Variants in CBLN2 observed in about 807,000 individuals in gnomAD.
The protein encoded by CBLN2 is cerebellin 2 precursor.
CBLN2 carries 7 observed loss-of-function variants against 15.0 expected under a neutral mutation model. The observed-to-expected ratio is 0.47, with a 90% CI of 0.27 to 0.88. The LOEUF is 0.88. CBLN2 is among the 40% of genes least tolerant of loss of function. The probability of loss-of-function intolerance (pLI) is 0.14; values close to 1 mark genes in which losing one functional copy is unlikely to be tolerated. For missense variants in CBLN2, 242 were observed against 304.5 expected (o/e 0.79, Z 1.53); for synonymous variants, 149 against 135.2 (o/e 1.10, Z -0.71).
At chr18:72,609,198 G>C (rs1480318246) in intron 1 of CBLN2, among the ~76,000 whole-genome samples, 1 of 152,036 alleles carries the variant, frequency 6.6e-6, no homozygotes, top group Non-Finnish European at 1.5e-5. Flanking sequence ...AAATAAAAAG[G>C]GTTATGGGAT....
intron 1 of CBLN2, among the ~76,000 whole-genome samples, chr18:72,576,884 T>C (rs1470478597): frequency 6.7e-6 from 1 of 148,892 alleles, no homozygotes; most frequent in African/African-American, 2.4e-5. Context: ...ATGACAAATA[T>C]ATATATAAAA....
At chr18:72,581,931 T>C (rs2069408481) in intron 1 of CBLN2, among the ~76,000 whole-genome samples, 1 of 152,220 alleles carries the variant, frequency 6.6e-6, no homozygotes. Flanking sequence ...TTCTGTCCAA[T>C]ATGCAATAAC....
chr18:72,570,230 T>C (rs2144905155), intron 1 of CBLN2, among the ~76,000 whole-genome samples: 1 of 152,054 alleles, frequency 6.6e-6, no homozygotes, highest in East Asian at 1.9e-4. Flanking sequence ...TATTTTTGAT[T>C]CATTAAGTTA....
In CBLN2 at chr18:72,618,859, T is replaced by A. The variant is rs1260988161; in HGVS notation, c.15+19466A>T. ...ATCCAGCCAAAGAGATTGAAGTGGT[T>A]CTGGAAGCTTTAGCGGTGGTCATGG... On this transcript the variant is annotated intron_variant, in intron 1 of 2. Transcript: ENST00000581073. 8.2e-6 allele frequency: 6 copies of A among 731,032 alleles called. No homozygotes were observed. In the African/African-American group the frequency reaches 1.0e-4, roughly 13 times the overall value. The allele number at this position is 731,032 out of a possible 1,614,324, so 45.3% of individuals were successfully genotyped here.
intron 1 of CBLN2, among the ~76,000 whole-genome samples, chr18:72,621,467 A>G (rs2069700235): frequency 6.6e-6 from 1 of 152,172 alleles, no homozygotes; most frequent in Non-Finnish European, 1.5e-5. Flanking sequence ...TTTGACAATA[A>G]TTAATTGTTA....
At chr18:72,629,614 T>A (rs2887134) in intron 1 of CBLN2, among the ~76,000 whole-genome samples, 31,656 of 152,076 alleles carry the variant, frequency 0.21, 4,614 homozygotes, top group African/African-American at 0.42. Context: ...ATGATTTATA[T>A]TGACTGAATT....
At position 72,605,616 on chromosome 18, in the gene CBLN2, T is replaced by C. The variant is rs187300926; in HGVS notation, c.15+32709A>G. Among the ~76,000 whole-genome samples, 7 of 152,354 alleles carry C rather than the reference T, an allele frequency of 4.6e-5. No homozygotes were observed. In the East Asian group the frequency reaches 7.7e-4, roughly 17 times the overall value. Reference sequence around the variant, plus strand: ...AGATAAGTCAAACAATGGAGGAATTTAGGGAATGTTTTCCAAGGGTCTGGC... The same window carrying C: ...AGATAAGTCAAACAATGGAGGAATTCAGGGAATGTTTTCCAAGGGTCTGGC... On this transcript the variant is annotated intron_variant, in intron 1 of 2. Coordinates refer to the CBLN2 transcript ENST00000581073.
intron 1 of CBLN2, among the ~76,000 whole-genome samples, chr18:72,577,894 CATA>C (rs900434321): frequency 2.5e-4 from 38 of 152,154 alleles, no homozygotes; most frequent in African/African-American, 8.9e-4. Context: ...GTGAATAAAG[CATA>C]ATAAGACCAC....
chr18:72,576,540 T>C (rs2069367799), intron 1 of CBLN2, among the ~76,000 whole-genome samples: 1 of 152,218 alleles, frequency 6.6e-6, no homozygotes, highest in Admixed American at 6.5e-5. Context: ...ATAAATGTTT[T>C]ATAATACGTA....
In CBLN2 at chr18:72,597,172, A is replaced by T. The variant is rs1053713059; in HGVS notation, c.15+41153T>A. On this transcript the variant is annotated intron_variant, in intron 1 of 2. Coordinates refer to the CBLN2 transcript ENST00000581073. ...GGGCTTGTCGGCACCCATCCTTCTT[A>T]GGAAGGCTTTCCATGTATTTGAAGT... 2.0e-5 allele frequency among the ~76,000 whole-genome samples: 3 copies of T among 152,280 alleles called. No individual in the cohort carries two copies. In the East Asian group the frequency reaches 5.8e-4, roughly 29 times the overall value.
At chr18:72,583,214 C>T (rs1260375047) in intron 1 of CBLN2, among the ~76,000 whole-genome samples, 1 of 152,146 alleles carries the variant, frequency 6.6e-6, no homozygotes, top group Non-Finnish European at 1.5e-5. Context: ...TGAAAATTTC[C>T]AATCCTTTTT....
chr18:72,603,913 C>T (rs1220653706), intron 1 of CBLN2, among the ~76,000 whole-genome samples: 6 of 152,162 alleles, frequency 3.9e-5, no homozygotes, highest in Non-Finnish European at 7.3e-5. Flanking sequence ...CTTGTTCTAA[C>T]TAATAATCCT....
At chr18:72,630,630 T>C (rs1324710107) in intron 1 of CBLN2, among the ~76,000 whole-genome samples, 1 of 147,150 alleles carries the variant, frequency 6.8e-6, no homozygotes, top group Non-Finnish European at 1.5e-5. Context: ...CCAAGCTGTT[T>C]AACTGACTTA....
chr18:72,542,298 T>G lies in CBLN2; in HGVS notation c.-138A>C. The G allele has an allele frequency of 2.3e-6, 1 of 443,570 alleles. No homozygotes were observed. The highest frequency in any genetic ancestry group is 3.3e-6 in the Non-Finnish European group (1 of 300,002). The allele number at this position is 443,570 out of a possible 1,614,324, so 27.5% of individuals were successfully genotyped here. ...CCGGCTCTGACGTTCAAGGCCAGGG[T>G]CGTTCTCAGAAGAAAGGCGCCTGTG... On this transcript the variant is annotated 5_prime_UTR_variant, in exon 3 of 5. Coordinates refer to ENST00000269503, the MANE Select transcript of CBLN2 (RefSeq NM_182511.4).
chr18:72,567,125 GAA>G (rs2069300324), intron 1 of CBLN2, among the ~76,000 whole-genome samples: 1 of 152,122 alleles, frequency 6.6e-6, no homozygotes, highest in Non-Finnish European at 1.5e-5. Flanking sequence ...GCCTGGCCAA[GAA>G]ATGTTAAATG....
intron 1 of CBLN2, among the ~76,000 whole-genome samples, chr18:72,603,715 A>G (rs889062015): frequency 2.0e-5 from 3 of 152,206 alleles, no homozygotes; most frequent in African/African-American, 7.2e-5. Flanking sequence ...AAGGAGCTCA[A>G]CGTCTAATCC....
upstream of CBLN2, among the ~76,000 whole-genome samples, chr18:72,547,207 C>T (rs894657607): frequency 3.3e-5 from 5 of 151,580 alleles, no homozygotes; most frequent in East Asian, 1.9e-4. Flanking sequence ...TCTTTTGCAG[C>T]GACATAGATG....
At chr18:72,556,966 G>T (rs181208080) in intron 1 of CBLN2, among the ~76,000 whole-genome samples, 11 of 152,014 alleles carry the variant, frequency 7.2e-5, no homozygotes, top group Admixed American at 7.2e-4. Flanking sequence ...AACTGAAAAT[G>T]TTTTCATCAT....
chr18:72,607,212 C>T (rs932574962), intron 1 of CBLN2, among the ~76,000 whole-genome samples: 1 of 152,158 alleles, frequency 6.6e-6, no homozygotes, highest in African/African-American at 2.4e-5. Context: ...ACTGCCAACA[C>T]CCTGATTTTG....
Sources: gnomAD v4.1 joint callset for allele counts (sites outside exome capture counted in the v4.1 genomes callset) on GRCh38, gnomAD v4.1.1 for gene constraint, MANE v1.5 for transcripts, NCBI Gene and HGNC (gene_info 2026-07-23, HGNC 2026-07-21) for gene names.